Variants in ASIC2 observed in about 807,000 individuals in gnomAD.
ASIC2 encodes acid sensing ion channel subunit 2.
A neutral mutation model predicts 57.3 loss-of-function variants in ASIC2; 25 were observed. That is an observed-to-expected ratio of 0.44 (90% confidence interval 0.32 to 0.61). The LOEUF is 0.61. Ranked by LOEUF, ASIC2 falls within the 20% of genes least tolerant of loss-of-function variation. ASIC2 has a pLI of 0.06. For missense variants in ASIC2, 641 were observed against 738.1 expected (o/e 0.87, Z 1.52); for synonymous variants, 319 against 307.5 (o/e 1.04, Z -0.39).
At chr17:33,716,420 A>G (rs1909220360) in intron 1 of ASIC2, among the ~76,000 whole-genome samples, 1 of 152,220 alleles carries the variant, frequency 6.6e-6, no homozygotes, top group South Asian at 2.1e-4. Flanking sequence ...AGGGCCTGCA[A>G]TGGAGAGGAC....
intron 1 of ASIC2, among the ~76,000 whole-genome samples, chr17:33,656,958 T>C (rs1033818365): frequency 3.3e-5 from 5 of 152,188 alleles, no homozygotes; most frequent in African/African-American, 1.2e-4. Flanking sequence ...TGATGGTTCA[T>C]CTGAACATGG....
intron 1 of ASIC2, among the ~76,000 whole-genome samples, chr17:33,527,418 C>T (rs1357764587): frequency 6.6e-6 from 1 of 151,144 alleles, no homozygotes; most frequent in African/African-American, 2.4e-5. Flanking sequence ...CTAATCAACT[C>T]TGGGCTGAGA....
rs2092285221 is a variant in ASIC2 at position 33,117,334 on chromosome 17, C to T, written c.709-5267G>A. Among the ~76,000 whole-genome samples the T allele has an allele frequency of 2.0e-5, 3 of 152,088 alleles. No individual in the cohort carries two copies. The South Asian group carries it at 6.2e-4, about 32-fold the overall frequency. On this transcript the variant is annotated intron_variant, in intron 1 of 9. Transcript: ENST00000225823. Reference sequence around the variant, plus strand: ...GGGATTACGGGCATGCACCACCATGCCCGCCTAATGTTTGTATTTTTAGTA... The same window carrying T: ...GGGATTACGGGCATGCACCACCATGTCCGCCTAATGTTTGTATTTTTAGTA...
At chr17:33,924,977 A>C (rs731128) in intron 1 of ASIC2, among the ~76,000 whole-genome samples, 46,968 of 152,162 alleles carry the variant, frequency 0.31, 7,886 homozygotes, top group Admixed American at 0.39. Flanking sequence ...TCAGAGATCC[A>C]TCATGCCCAC....
intron 1 of ASIC2, among the ~76,000 whole-genome samples, chr17:33,573,583 CA>C (rs1567655199): frequency 6.6e-6 from 1 of 151,942 alleles, no homozygotes; most frequent in Non-Finnish European, 1.5e-5. Context: ...TTTGTTTTTT[CA>C]AGACAGAGTC....
upstream of ASIC2, among the ~76,000 whole-genome samples, chr17:33,294,116 G>C (rs143697270): frequency 6.6e-6 from 1 of 152,130 alleles, no homozygotes; most frequent in Non-Finnish European, 1.5e-5. Flanking sequence ...GGGTGGGAAG[G>C]GGGAGTAGGA....
chr17:33,336,372 C>T (rs1907513489), intron 1 of ASIC2, among the ~76,000 whole-genome samples: 1 of 135,608 alleles, frequency 7.4e-6, no homozygotes, highest in African/African-American at 2.7e-5. Flanking sequence ...TCATGAATTT[C>T]TTAACAGATT....
intron 1 of ASIC2, among the ~76,000 whole-genome samples, chr17:33,839,644 T>C (rs1913373897): frequency 6.6e-6 from 1 of 152,170 alleles, no homozygotes; most frequent in Non-Finnish European, 1.5e-5. Flanking sequence ...GGAAACCCCT[T>C]ATTCTCAGTT....
At chr17:34,112,867 T>C (rs1000705304) in intron 1 of ASIC2, among the ~76,000 whole-genome samples, 15 of 152,226 alleles carry the variant, frequency 9.9e-5, no homozygotes, top group South Asian at 2.1e-4. Flanking sequence ...GACCTATTAA[T>C]GTTACTTCAT....
chr17:33,754,281 C>T (rs925976284), intron 1 of ASIC2, among the ~76,000 whole-genome samples: 3 of 152,076 alleles, frequency 2.0e-5, no homozygotes, highest in Non-Finnish European at 2.9e-5. Context: ...GGTGGAGAGT[C>T]CATCCGAGTT....
intron 1 of ASIC2, among the ~76,000 whole-genome samples, chr17:33,616,259 T>A (rs991989772): frequency 2.1e-4 from 2 of 9,612 alleles, no homozygotes; most frequent in African/African-American, 2.5e-4. Flanking sequence ...TATTTGGGGG[T>A]GGGTGGGGGG....
Position 34,141,394 on chromosome 17 carries a change from T to TA in ASIC2, c.555+14583dup, listed in dbSNP as rs1259788339. On this transcript the variant is annotated intron_variant, in intron 1 of 9. Transcript: ENST00000359872. ...TTTGAAATTGTTTCCAATTCTTTTT[T>TA]AAAAAAAGAATAAAATTTAGCTATT... 2.6e-5 allele frequency among the ~76,000 whole-genome samples: 4 copies of TA among 152,292 alleles called. No homozygotes were observed. The South Asian group carries it at 6.2e-4, about 24-fold the overall frequency.
intron 1 of ASIC2, among the ~76,000 whole-genome samples, chr17:34,043,870 C>CA (rs1426464958): frequency 1.3e-5 from 2 of 152,130 alleles, no homozygotes; most frequent in South Asian, 2.1e-4. Context: ...ACCAAGAGTG[C>CA]AATTCCCTGC....
At chr17:33,724,398 G>A (rs994941275) in intron 1 of ASIC2, among the ~76,000 whole-genome samples, 5 of 152,158 alleles carry the variant, frequency 3.3e-5, no homozygotes, top group East Asian at 1.9e-4. Context: ...GTTCTGAGCC[G>A]ACTTACGTCT....
intron 1 of ASIC2, among the ~76,000 whole-genome samples, chr17:33,678,729 A>G (rs927062504): frequency 2.6e-5 from 4 of 152,148 alleles, no homozygotes; most frequent in Admixed American, 1.3e-4. Context: ...GCTCTGTACC[A>G]GGTGCACAGG....
At chr17:33,216,500 C>A (rs1907494096) in intron 1 of ASIC2, among the ~76,000 whole-genome samples, 1 of 152,086 alleles carries the variant, frequency 6.6e-6, no homozygotes. Flanking sequence ...GATAAGATGT[C>A]CTGAATGACG....
At chr17:33,968,545 G>A (rs920726181) in intron 1 of ASIC2, among the ~76,000 whole-genome samples, 2 of 152,248 alleles carry the variant, frequency 1.3e-5, no homozygotes, top group Admixed American at 1.3e-4. Context: ...AGATTGGGGA[G>A]AGGGGAGGAG....
chr17:33,976,087 G>A (rs958251587), intron 1 of ASIC2, among the ~76,000 whole-genome samples: 19 of 148,162 alleles, frequency 1.3e-4, no homozygotes, highest in Admixed American at 2.7e-4. Flanking sequence ...CGAATGTCAC[G>A]TTTTCAATGA....
At chr17:34,148,726 A>G (rs1904388558) in intron 1 of ASIC2, among the ~76,000 whole-genome samples, 1 of 152,200 alleles carries the variant, frequency 6.6e-6, no homozygotes, top group Non-Finnish European at 1.5e-5. Flanking sequence ...TCTCTGGTGC[A>G]TCTTAGCAAA....
Sources: allele counts gnomAD v4.1 joint callset (sites outside exome capture counted in the v4.1 genomes callset), GRCh38; gene constraint gnomAD v4.1.1; transcripts MANE v1.5; gene names NCBI Gene and HGNC (gene_info 2026-07-23, HGNC 2026-07-21).